The following TBC1D5 variants were observed in gnomAD, a reference collection of about 807,000 sequenced individuals.
TBC1D5 encodes the protein TBC1 domain family, member 5.
Under a neutral mutation model 100.3 loss-of-function variants are expected in TBC1D5, and 75 were observed. The observed-to-expected ratio is 0.75, with a 90% confidence interval of 0.62 to 0.91. The LOEUF (loss-of-function observed/expected upper bound fraction) is 0.91. TBC1D5 is among the 40% of genes least tolerant of loss of function. The pLI is 0.00. For missense variants in TBC1D5, 910 were observed against 942.4 expected, an observed-to-expected ratio of 0.97 and a Z score of 0.45; for synonymous variants, 323 against 325.6, an observed-to-expected ratio of 0.99 and a Z score of 0.09.
At chr3:17,581,602 A>G (rs2096697331) in intron 2 of TBC1D5, among the ~76,000 whole-genome samples, 1 of 152,174 alleles carries the variant, frequency 6.6e-6, no homozygotes. Flanking sequence ...TCTTTCTTGC[A>G]TAACTCAAAT....
chr3:17,240,623 T>C (rs955863473), intron 16 of TBC1D5, among the ~76,000 whole-genome samples: 11 of 152,154 alleles, frequency 7.2e-5, no homozygotes, highest in Non-Finnish European at 1.0e-4. Flanking sequence ...ACCTCTGGCA[T>C]TATATTCCAC....
chr3:17,341,999 A>G (rs2089042781), intron 13 of TBC1D5, among the ~76,000 whole-genome samples: 2 of 152,148 alleles, frequency 1.3e-5, no homozygotes, highest in Admixed American at 1.3e-4. Context: ...ATCATTTCTT[A>G]ATAGATGCTC....
intron 3 of TBC1D5, among the ~76,000 whole-genome samples, chr3:17,448,989 A>G (rs1414146110): frequency 6.6e-6 from 1 of 152,214 alleles, no homozygotes; most frequent in Non-Finnish European, 1.5e-5. Context: ...GCTCCCAGAG[A>G]GACCAATGCA....
chr3:17,526,483 C>T (rs1409888226), intron 2 of TBC1D5, among the ~76,000 whole-genome samples: 2 of 152,146 alleles, frequency 1.3e-5, no homozygotes, highest in Admixed American at 6.5e-5. Context: ...AGCCACAACG[C>T]TTGGCCCAGA....
intron 13 of TBC1D5, among the ~76,000 whole-genome samples, chr3:17,362,906 A>G (rs1378513498): frequency 6.6e-6 from 1 of 152,168 alleles, no homozygotes; most frequent in Non-Finnish European, 1.5e-5. Flanking sequence ...CTACAGTCCA[A>G]TGTCACTACC....
chr3:17,695,432 G>A (rs183029069), intron 1 of TBC1D5, among the ~76,000 whole-genome samples: 1 of 152,042 alleles, frequency 6.6e-6, no homozygotes, highest in Non-Finnish European at 1.5e-5. Context: ...GCAAAAAAAA[G>A]CAGGGGTTGC....
At position 17,591,262 on chromosome 3, in the gene TBC1D5, A is replaced by AAG. The variant is rs1560228133; in HGVS notation, c.-36+32586_-36+32587insCT. Among the ~76,000 whole-genome samples the AAG allele has an allele frequency of 3.0e-3, 339 of 112,832 alleles. 16 individuals are homozygous for AAG. The highest frequency in any genetic ancestry group is 0.027 in the Admixed American group (266 of 9,708). The allele number at this position is 112,832 out of a possible 152,430, so 74.0% of individuals were successfully genotyped here. ...AAAAAAAAAAAAAAAAAAAAAAAAA[A>AAG]AAAACAAAAACCCCAGAGAATCATG... is the stretch of plus-strand genomic sequence containing the variant. On this transcript the variant is annotated intron_variant, in intron 2 of 21. Coordinates refer to ENST00000253692, the Ensembl canonical transcript of TBC1D5.
At chr3:17,400,881 C>T (rs2093626656) in intron 8 of TBC1D5, among the ~76,000 whole-genome samples, 1 of 152,106 alleles carries the variant, frequency 6.6e-6, no homozygotes, top group African/African-American at 2.4e-5. Context: ...CAGCAGTTTG[C>T]CAGGGGCTCT....
chr3:17,643,098 C>T (rs1456867542), intron 1 of TBC1D5, among the ~76,000 whole-genome samples: 3 of 152,016 alleles, frequency 2.0e-5, no homozygotes, highest in Admixed American at 2.0e-4. Flanking sequence ...CTTTAGTTGT[C>T]ATGTGTCCTT....
chr3:17,684,589 C>T (rs1212966407), intron 1 of TBC1D5, among the ~76,000 whole-genome samples: 5 of 151,946 alleles, frequency 3.3e-5, no homozygotes, highest in Non-Finnish European at 7.4e-5. Context: ...AATAACTGCT[C>T]TATGTTACGA....
At chr3:17,515,331 A>G (rs2095970765) in intron 2 of TBC1D5, among the ~76,000 whole-genome samples, 1 of 152,188 alleles carries the variant, frequency 6.6e-6, no homozygotes, top group Non-Finnish European at 1.5e-5. Flanking sequence ...TTTATTAAGT[A>G]GTAGGGCTGG....
intron 13 of TBC1D5, among the ~76,000 whole-genome samples, chr3:17,317,603 CTA>C (rs1559619621): frequency 6.6e-6 from 1 of 152,164 alleles, no homozygotes; most frequent in Non-Finnish European, 1.5e-5. Context: ...TCAATTATAT[CTA>C]TGTGTATATA....
In TBC1D5 at chr3:17,676,490, C is replaced by G. The variant is rs567787272; in HGVS notation, c.-100-52577G>C. Among the ~76,000 whole-genome samples, 14 of 152,030 alleles carry G rather than the reference C, an allele frequency of 9.2e-5. No individual in the cohort carries two copies. In the East Asian group the frequency reaches 1.9e-3, roughly 21 times the overall value. ...AGGAGAACTACAAACCACTGCTCAA[C>G]GAAATAAAAGAGGACACAAACAAAT... On this transcript the variant is annotated intron_variant, in intron 1 of 21. Transcript: ENST00000253692.
chr3:17,188,258 T>C (rs978161101), intron 18 of TBC1D5, among the ~76,000 whole-genome samples: 1 of 152,174 alleles, frequency 6.6e-6, no homozygotes, highest in South Asian at 2.1e-4. Flanking sequence ...TGGGAAAATA[T>C]GCAGGGATAT....
chr3:17,353,831 A>T (rs2090912226), intron 13 of TBC1D5, among the ~76,000 whole-genome samples: 1 of 152,044 alleles, frequency 6.6e-6, no homozygotes, highest in African/African-American at 2.4e-5. Context: ...TCCATTATGG[A>T]TTTCTGAGCT....
chr3:17,607,468 T>C (rs1293154096), intron 2 of TBC1D5, among the ~76,000 whole-genome samples: 1 of 151,882 alleles, frequency 6.6e-6, no homozygotes, highest in Non-Finnish European at 1.5e-5. Flanking sequence ...GATCTAACTA[T>C]AAATGTTATT....
intron 2 of TBC1D5, among the ~76,000 whole-genome samples, chr3:17,526,595 C>A (rs1206508226): frequency 6.6e-6 from 1 of 152,148 alleles, no homozygotes. Flanking sequence ...TAAACTGTGT[C>A]TCAGTTTCCT....
chr3:17,352,622 T>C (rs1575481629), intron 13 of TBC1D5, among the ~76,000 whole-genome samples: 1 of 111,288 alleles, frequency 9.0e-6, no homozygotes, highest in Non-Finnish European at 1.9e-5. Context: ...AGAAGACAAA[T>C]AACAGAAGAT....
chr3:17,175,302 T>C (rs577087681), intron 19 of TBC1D5, among the ~76,000 whole-genome samples: 1 of 63,714 alleles, frequency 1.6e-5, no homozygotes, highest in Non-Finnish European at 2.8e-5. Context: ...AGACAATTCT[T>C]GAGGCCAATA....
Sources: allele counts gnomAD v4.1 joint callset (sites outside exome capture counted in the v4.1 genomes callset), GRCh38; gene constraint gnomAD v4.1.1; transcripts MANE v1.5; gene names NCBI Gene and HGNC (gene_info 2026-07-23, HGNC 2026-07-21).